ISY1: variants seen among roughly 807,000 people sequenced by gnomAD.
ISY1 encodes pre-mRNA-splicing factor ISY1 homolog.
ISY1 carries 12 observed loss-of-function variants against 54.4 expected under a neutral mutation model. The ratio of observed to expected loss-of-function variants is 0.22; its 90% CI spans 0.14 to 0.36. The LOEUF (loss-of-function observed/expected upper bound fraction) is 0.36, where lower values mean the gene tolerates loss of function less well. ISY1 is among the 10% of genes least tolerant of loss of function. The probability of loss-of-function intolerance (pLI) is 1.00; values close to 1 mark genes in which losing one functional copy is unlikely to be tolerated. For synonymous variants in ISY1, 96 were observed against 117.9 expected, an observed-to-expected ratio of 0.81 and a Z score of 1.20; for missense variants, 282 against 342.2, an observed-to-expected ratio of 0.82 and a Z score of 1.39.
rs372590180 is a variant in ISY1 at position 129,131,970 on chromosome 3, T to C, written c.664-1334A>G. Reference sequence around the variant, plus strand: ...TCAGCCTCCTGAGTAGCTGGGACTATAGGCATGTCCAACCACACCTAGCTA... The same window carrying C: ...TCAGCCTCCTGAGTAGCTGGGACTACAGGCATGTCCAACCACACCTAGCTA... On this transcript the variant is annotated intron_variant, in intron 9 of 10. Coordinates refer to ENST00000393295, the MANE Select transcript of ISY1 (RefSeq NM_020701.4). 8.9e-4 allele frequency among the ~76,000 whole-genome samples: 136 copies of C among 152,186 alleles called. 2 individuals are homozygous for C. The highest frequency in any genetic ancestry group is 3.2e-3 in the African/African-American group (134 of 41,516).
At chr3:129,158,458 C>G in intron 3 of ISY1, 50 bp downstream of exon 3, 2 of 1,609,460 alleles carry the variant, frequency 1.2e-6, no homozygotes, top group Non-Finnish European at 1.7e-6. Flanking sequence ...TGCACCCAGC[C>G]TGCATTTATT....
At chr3:129,141,189 T>C (rs912845515) in intron 6 of ISY1, among the ~76,000 whole-genome samples, 2 of 98,792 alleles carry the variant, frequency 2.0e-5, no homozygotes, top group Non-Finnish European at 3.9e-5. Context: ...AGGGCTGGAG[T>C]AAATTAAATA....
intron 2 of ISY1, 123 bp from the exon 3 acceptor site, chr3:129,158,682 T>G: frequency 7.7e-7 from 1 of 1,305,630 alleles, no homozygotes; most frequent in Non-Finnish European, 1.1e-6. Flanking sequence ...CATATACAAA[T>G]ATTGTAATTA....
chr3:129,153,394 G>A (rs1937034269), intron 5 of ISY1, among the ~76,000 whole-genome samples: 1 of 152,184 alleles, frequency 6.6e-6, no homozygotes, highest in Admixed American at 6.6e-5. Flanking sequence ...TATTGACACT[G>A]TAGTTTATTT....
At chr3:129,134,015 C>T (rs1576870211) in intron 9 of ISY1, 59 bp downstream of exon 9, 1 of 1,605,152 alleles carries the variant, frequency 6.2e-7, no homozygotes, top group East Asian at 2.2e-5. Flanking sequence ...TTCCTCCCTG[C>T]CACACTTCAT....
intron 6 of ISY1, among the ~76,000 whole-genome samples, chr3:129,143,604 A>C (rs1309903146): frequency 1.3e-4 from 19 of 151,438 alleles, no homozygotes; most frequent in Admixed American, 1.3e-3. Flanking sequence ...TGTACAGTTT[A>C]GAGAATAAAG....
chr3:129,145,169 C>T (rs767191832), intron 6 of ISY1, among the ~76,000 whole-genome samples: 1 of 152,014 alleles, frequency 6.6e-6, no homozygotes. Context: ...TCTCAGCCTC[C>T]CAAAGTGCTA....
Position 129,127,753 on chromosome 3 carries a change from A to C in ISY1, c.*2328T>G, listed in dbSNP as rs1009569885. 3.3e-5 allele frequency: 5 copies of C among 152,330 alleles called. No homozygotes were observed. The highest frequency in any genetic ancestry group is 4.8e-5 in the African/African-American group (2 of 41,458). The allele number at this position is 152,330 out of a possible 1,614,324, so 9.4% of individuals were successfully genotyped here. A position where few individuals can be genotyped will look rare whatever the true frequency, so the allele number is the denominator to read the frequency against. ...TCCCGGGGATCCCTGAAGAGATCCC[A>C]GGAGGGGAGTGCTTTGTGCACTGAA... On this transcript the variant is annotated 3_prime_UTR_variant, in exon 11 of 11. Coordinates refer to ENST00000393295, the MANE Select transcript of ISY1 (RefSeq NM_020701.4).
chr3:129,154,590 T>C (rs1937078644), intron 5 of ISY1, among the ~76,000 whole-genome samples: 1 of 152,112 alleles, frequency 6.6e-6, no homozygotes, highest in East Asian at 1.9e-4. Flanking sequence ...TTTTAATGTA[T>C]ATAGATTCTA....
intron 9 of ISY1, among the ~76,000 whole-genome samples, 171 bp downstream of exon 9, chr3:129,133,903 T>C (rs1936311703): frequency 1.3e-5 from 2 of 152,184 alleles, no homozygotes; most frequent in African/African-American, 2.4e-5. Flanking sequence ...TCATGGCTGC[T>C]GCCTCCTGAA....
chr3:129,137,347 ATTCAC>A (rs1463439365), intron 7 of ISY1, among the ~76,000 whole-genome samples: 2 of 152,222 alleles, frequency 1.3e-5, no homozygotes, highest in African/African-American at 2.4e-5. Context: ...AACCAGTAAA[ATTCAC>A]TTATGCATTT....
intron 5 of ISY1, among the ~76,000 whole-genome samples, chr3:129,152,472 C>T (rs1410188208): frequency 1.3e-5 from 2 of 151,356 alleles, no homozygotes; most frequent in Non-Finnish European, 3.0e-5. Flanking sequence ...GGTGCAATCT[C>T]GGCTCACTGC....
At chr3:129,141,932 C>T (rs563838784) in intron 6 of ISY1, among the ~76,000 whole-genome samples, 4 of 151,818 alleles carry the variant, frequency 2.6e-5, no homozygotes, top group African/African-American at 7.3e-5. Context: ...TTGCTGGGTG[C>T]GGTGGCTCAC....
At chr3:129,148,853 G>C (rs1027962059) in intron 5 of ISY1, among the ~76,000 whole-genome samples, 1 of 152,192 alleles carries the variant, frequency 6.6e-6, no homozygotes, top group African/African-American at 2.4e-5. Context: ...ACAGGCGTGA[G>C]CCACCATGCC....
chr3:129,134,109 C>G lies in ISY1; in HGVS notation c.628G>C (p.Glu210Gln), dbSNP rs762409591. ...GEKEEEEEEE[E>Q]EINIYAVTEE... ...GTGACTGCATAGATGTTGATCTCTT[C>G]CTCCTCTTCCTCCTCCTCTTCCTTT... is the stretch of plus-strand genomic sequence containing the variant. The change falls in exon 9 of 11, where the codon GAA becomes CAA. Residue 210 changes from glutamate to glutamine, a missense_variant. Glu to Gln is a conservative substitution (Grantham distance 29, BLOSUM62 2). Transcript: ENST00000393295. 3.1e-6 allele frequency: 5 copies of G among 1,614,116 alleles called. No homozygotes were observed. The South Asian group carries it at 4.4e-5, about 14-fold the overall frequency.
chr3:129,134,878 T>C lies in ISY1; in HGVS notation c.495A>G (p.Glu165=). Residue 165 remains glutamate, a synonymous_variant, in exon 8 of 11, where the codon GAA becomes GAG. Coordinates refer to ENST00000393295, the MANE Select transcript of ISY1 (RefSeq NM_020701.4). The part of the protein sequence containing the change: ...IDFEYYGYLD[E]DDGVIVPLEQ... The stretch of plus-strand genomic sequence containing the variant: ...CCAAAGGCACAATAACACCATCATC[T>C]TCATCTAGGTAACCATAGTACTCAA... The C allele has an allele frequency of 1.2e-6, 2 of 1,611,458 alleles. No individual in the cohort carries two copies. The highest frequency in any genetic ancestry group is 1.3e-5 in the African/African-American group (1 of 75,022).
chr3:129,151,577 C>T (rs963215635), intron 5 of ISY1, among the ~76,000 whole-genome samples: 3 of 151,646 alleles, frequency 2.0e-5, no homozygotes, highest in African/African-American at 7.3e-5. Flanking sequence ...TGCAGTGAGC[C>T]GAGACTGCAC....
chr3:129,131,046 C>T (rs760024500), intron 9 of ISY1, among the ~76,000 whole-genome samples: 4 of 152,258 alleles, frequency 2.6e-5, no homozygotes, highest in East Asian at 1.9e-4. Flanking sequence ...TGAGTCAATA[C>T]AAATTTCTAA....
chr3:129,137,650 G>A (rs1936457113), intron 7 of ISY1, among the ~76,000 whole-genome samples: 1 of 151,808 alleles, frequency 6.6e-6, no homozygotes, highest in African/African-American at 2.4e-5. Context: ...GGAGCAGTGG[G>A]ATGTTATCCC....
Sources: gnomAD v4.1 joint callset for allele counts (sites outside exome capture counted in the v4.1 genomes callset) on GRCh38, gnomAD v4.1.1 for gene constraint, MANE v1.5 for transcripts, NCBI Gene and HGNC (gene_info 2026-07-23, HGNC 2026-07-21) for gene names.